The following DIRAS2 variants were observed in gnomAD, a reference collection of about 807,000 sequenced individuals.
DIRAS2 encodes the protein DIRAS family GTPase 2, also known as GTP-binding protein Di-Ras2.
In DIRAS2, 5 loss-of-function variants were observed where a neutral mutation model predicts 13.9. That is an observed-to-expected ratio of 0.36 (90% CI 0.19 to 0.76). DIRAS2 has a LOEUF of 0.76. Ranked by LOEUF, DIRAS2 falls within the 30% of genes least tolerant of loss-of-function variation. The pLI is 0.53. For missense variants in DIRAS2, 191 were observed against 263.0 expected, an observed-to-expected ratio of 0.73 and a Z score of 1.89; for synonymous variants, 111 against 105.4, an observed-to-expected ratio of 1.05 and a Z score of -0.33.
At chr9:90,637,311 T>C (rs1216824866) in intron 1 of DIRAS2, among the ~76,000 whole-genome samples, 4 of 152,238 alleles carry the variant, frequency 2.6e-5, no homozygotes, top group African/African-American at 9.6e-5. Context: ...TAAGCTATCA[T>C]TTATTAACCA....
Position 90,609,889 on chromosome 9 carries a change from T to A in DIRAS2, c.*3339A>T, listed in dbSNP as rs964368083. The A allele has an allele frequency of 6.6e-6, 1 of 152,252 alleles. No individual in the cohort carries two copies. Among genetic ancestry groups the A allele is most frequent in the East Asian group, 1.9e-4 (1 of 5,200 alleles). The allele number at this position is 152,252 out of a possible 1,614,324, so 9.4% of individuals were successfully genotyped here. A position where few individuals can be genotyped will look rare whatever the true frequency, so the allele number is the denominator to read the frequency against. On this transcript the variant is annotated 3_prime_UTR_variant, in exon 2 of 2. Coordinates refer to ENST00000375765, the MANE Select transcript of DIRAS2 (RefSeq NM_017594.5). ...TCTCCCATTATTTCCAGAACATCAC[T>A]GGCAACTAGAAACTTGTATGCAAGG...
intron 1 of DIRAS2, among the ~76,000 whole-genome samples, chr9:90,629,593 G>C (rs1825305146): frequency 6.6e-6 from 1 of 152,016 alleles, no homozygotes; most frequent in African/African-American, 2.4e-5. Flanking sequence ...ATCTGCGAGG[G>C]ATCGTTTCCA....
chr9:90,625,780 G>A (rs1825262757), intron 1 of DIRAS2: 1 of 152,110 alleles, frequency 6.6e-6, no homozygotes, highest in African/African-American at 2.4e-5. Context: ...TCTTTTTCAA[G>A]ATCTTTTATC....
intron 1 of DIRAS2, among the ~76,000 whole-genome samples, chr9:90,638,975 G>A (rs1007159004): frequency 1.3e-5 from 2 of 152,044 alleles, no homozygotes; most frequent in Admixed American, 1.3e-4. Context: ...ATCTAAAGAT[G>A]GTAAAGGAGG....
At chr9:90,631,230 C>A (rs1474987183) in intron 1 of DIRAS2, among the ~76,000 whole-genome samples, 2 of 152,120 alleles carry the variant, frequency 1.3e-5, no homozygotes, top group African/African-American at 2.4e-5. Flanking sequence ...GCAGAGAGAG[C>A]AGCAGGTACA....
chr9:90,617,712 TA>T (rs2118545243), intron 1 of DIRAS2, among the ~76,000 whole-genome samples: 1 of 152,320 alleles, frequency 6.6e-6, no homozygotes, highest in South Asian at 2.1e-4. Flanking sequence ...AACTAGCTAT[TA>T]AACTCATTCA....
intron 1 of DIRAS2, among the ~76,000 whole-genome samples, chr9:90,640,195 G>C (rs1259405683): frequency 6.6e-6 from 1 of 152,174 alleles, no homozygotes; most frequent in African/African-American, 2.4e-5. Flanking sequence ...ATTTTAAACT[G>C]TGCATATGAC....
chr9:90,634,802 A>G (rs983678079), intron 1 of DIRAS2, among the ~76,000 whole-genome samples: 35 of 152,228 alleles, frequency 2.3e-4, no homozygotes, highest in African/African-American at 8.4e-4. Context: ...TGAAGCCAGA[A>G]TTCCATCCAG....
chr9:90,614,866 A>AT (rs1460713314), intron 1 of DIRAS2, among the ~76,000 whole-genome samples: 1 of 152,152 alleles, frequency 6.6e-6, no homozygotes, highest in African/African-American at 2.4e-5. Context: ...TTTAATATTT[A>AT]TTTTTATTCA....
chr9:90,624,617 T>C (rs1194655259), intron 1 of DIRAS2, among the ~76,000 whole-genome samples: 1 of 152,214 alleles, frequency 6.6e-6, no homozygotes, highest in Non-Finnish European at 1.5e-5. Context: ...AGCTTAAGTA[T>C]ACAAATAAGT....
Position 90,610,535 on chromosome 9 carries a change from G to T in DIRAS2, c.*2693C>A. 2.5e-6 allele frequency: 1 copy of T among 397,692 alleles called. No homozygotes were observed. Among genetic ancestry groups the T allele is most frequent in the African/African-American group, 2.1e-5 (1 of 48,676 alleles). 24.6% of individuals were successfully genotyped at this position (397,692 alleles called of 1,614,324 possible). Reference sequence around the variant, plus strand: ...ATTTAATTAAATATTAACTTATTCTGCCTGGGTCAAAAACTGCTATGCCCA... The same window carrying T: ...ATTTAATTAAATATTAACTTATTCTTCCTGGGTCAAAAACTGCTATGCCCA... On this transcript the variant is annotated 3_prime_UTR_variant, in exon 2 of 2. Coordinates refer to ENST00000375765, the MANE Select transcript of DIRAS2 (RefSeq NM_017594.5).
chr9:90,629,693 G>T (rs189123268), intron 1 of DIRAS2, among the ~76,000 whole-genome samples: 4 of 152,216 alleles, frequency 2.6e-5, no homozygotes, highest in Admixed American at 2.6e-4. Context: ...CATCCTCTTG[G>T]ATACTTTAAA....
intron 1 of DIRAS2, among the ~76,000 whole-genome samples, chr9:90,637,831 C>T (rs1333124439): frequency 6.6e-6 from 1 of 152,186 alleles, no homozygotes; most frequent in Non-Finnish European, 1.5e-5. Context: ...AAAGCCTGTT[C>T]CCCGTTGAGT....
intron 1 of DIRAS2, among the ~76,000 whole-genome samples, chr9:90,639,836 T>A (rs1384468965): frequency 1.3e-5 from 2 of 152,222 alleles, no homozygotes; most frequent in East Asian, 1.9e-4. Context: ...GAAGGACACA[T>A]AACTCACAGC....
intron 1 of DIRAS2, among the ~76,000 whole-genome samples, chr9:90,622,151 T>C (rs1331347141): frequency 2.0e-5 from 3 of 150,878 alleles, no homozygotes; most frequent in Non-Finnish European, 4.4e-5. Context: ...ACTCAGGAGG[T>C]TGAGGCAGGA....
intron 1 of DIRAS2, among the ~76,000 whole-genome samples, chr9:90,615,262 T>C (rs1338894438): frequency 6.6e-6 from 1 of 152,222 alleles, no homozygotes; most frequent in Non-Finnish European, 1.5e-5. Context: ...ACTGAGGTAT[T>C]CCACCTTCTC....
chr9:90,632,065 C>A (rs1249169552), intron 1 of DIRAS2, among the ~76,000 whole-genome samples: 1 of 152,202 alleles, frequency 6.6e-6, no homozygotes, highest in Non-Finnish European at 1.5e-5. Context: ...TGTTAGCAGG[C>A]TCTCCAGGCA....
At chr9:90,634,529 A>G (rs973820682) in intron 1 of DIRAS2, among the ~76,000 whole-genome samples, 2 of 152,200 alleles carry the variant, frequency 1.3e-5, no homozygotes, top group Admixed American at 6.5e-5. Context: ...GAACATCTCA[A>G]GGCTAGAAAA....
Position 90,611,363 on chromosome 9 carries a change from A to T in DIRAS2, c.*1865T>A, listed in dbSNP as rs1163079231. On this transcript the variant is annotated 3_prime_UTR_variant, in exon 2 of 2. Transcript: ENST00000375765. ...AGCTCAGCATGAGTGTTCCCCCTGT[A>T]AAGTCAGGGCGGTTTTGTTCTAGGA... 6.6e-6 allele frequency: 1 copy of T among 152,192 alleles called. No homozygotes were observed. The highest frequency in any genetic ancestry group is 1.5e-5 in the Non-Finnish European group (1 of 68,094). The allele number at this position is 152,192 out of a possible 1,614,324, so 9.4% of individuals were successfully genotyped here.
Sources: allele counts gnomAD v4.1 joint callset (sites outside exome capture counted in the v4.1 genomes callset), GRCh38; gene constraint gnomAD v4.1.1; transcripts MANE v1.5; gene names NCBI Gene and HGNC (gene_info 2026-07-23, HGNC 2026-07-21).